Variants in HAUS8 observed in about 807,000 individuals in gnomAD.
HAUS8 encodes HAUS augmin like complex subunit 8.
In HAUS8, 38 loss-of-function variants were observed where a neutral mutation model predicts 42.9. The observed-to-expected ratio is 0.89, with a 90% CI of 0.68 to 1.16. The LOEUF is 1.16. Among genes scored for constraint, HAUS8 ranks in the 50% most tolerant of loss-of-function variants. HAUS8 has a pLI of 0.00. For missense variants in HAUS8, 494 were observed against 511.6 expected (o/e 0.97, Z 0.33); for synonymous variants, 199 against 205.8 (o/e 0.97, Z 0.28).
At chr19:17,053,670 T>C (rs1325758551) in intron 9 of HAUS8, 1 of 151,596 alleles carries the variant, frequency 6.6e-6, no homozygotes, top group Admixed American at 6.6e-5. Context: ...TTTTCTTTTT[T>C]TTTTTTTTTT....
chr19:17,050,225 G>T, intron 10 of HAUS8, 49 bp from the exon 11 acceptor site: 1 of 1,400,390 alleles, frequency 7.1e-7, no homozygotes, highest in Non-Finnish European at 9.4e-7. Context: ...CTGAGGTGAA[G>T]CGCATGTGTG....
At chr19:17,072,869 A>G (rs2057436514) in intron 2 of HAUS8, among the ~76,000 whole-genome samples, 1 of 146,958 alleles carries the variant, frequency 6.8e-6, no homozygotes, top group African/African-American at 2.5e-5. Flanking sequence ...TAATCCCAAC[A>G]CTTTGGGAGG....
At chr19:17,051,245 G>GT (rs2057285486) in intron 10 of HAUS8, among the ~76,000 whole-genome samples, 1 of 152,110 alleles carries the variant, frequency 6.6e-6, no homozygotes, top group Non-Finnish European at 1.5e-5. Flanking sequence ...AAATGCCACA[G>GT]TGGGTGGCTG....
At chr19:17,067,933 T>G (rs1271683747) in intron 3 of HAUS8, among the ~76,000 whole-genome samples, 2 of 152,168 alleles carry the variant, frequency 1.3e-5, no homozygotes, top group African/African-American at 4.8e-5. Flanking sequence ...ACAAAGCACG[T>G]TCTCACGTGG....
chr19:17,075,259 C>A, intron 1 of HAUS8, 135 bp downstream of exon 1: 1 of 969,822 alleles, frequency 1.0e-6, no homozygotes. Flanking sequence ...CCATCGGGGT[C>A]TTCAGGGGCC....
At chr19:17,066,529 A>T (rs1197237308) in intron 3 of HAUS8, among the ~76,000 whole-genome samples, 1 of 152,206 alleles carries the variant, frequency 6.6e-6, no homozygotes, top group Non-Finnish European at 1.5e-5. Flanking sequence ...GGTTGGTCAG[A>T]AGTTCTAGAG....
intron 4 of HAUS8, among the ~76,000 whole-genome samples, chr19:17,061,024 T>C (rs1416228368): frequency 1.3e-5 from 2 of 152,014 alleles, no homozygotes; most frequent in Non-Finnish European, 2.9e-5. Context: ...ATAACAACGA[T>C]TTGTGTTGAA....
intron 10 of HAUS8, among the ~76,000 whole-genome samples, chr19:17,050,607 T>A (rs1489725726): frequency 6.6e-6 from 1 of 152,050 alleles, no homozygotes; most frequent in Non-Finnish European, 1.5e-5. Context: ...AAAAATTTTT[T>A]TAAAAATACT....
intron 9 of HAUS8, among the ~76,000 whole-genome samples, chr19:17,054,788 T>A (rs2057309715): frequency 6.7e-6 from 1 of 149,452 alleles, no homozygotes; most frequent in Non-Finnish European, 1.5e-5. Context: ...GCAACAAGAG[T>A]GAAACTCCGT....
chr19:17,063,295 G>C (rs901498159), intron 3 of HAUS8, among the ~76,000 whole-genome samples: 52 of 152,270 alleles, frequency 3.4e-4, no homozygotes, highest in African/African-American at 1.2e-3. Context: ...CCAGGGGTTT[G>C]AGGCTGCAGT....
intron 3 of HAUS8, among the ~76,000 whole-genome samples, chr19:17,063,497 C>T (rs1474385497): frequency 1.3e-5 from 2 of 152,178 alleles, no homozygotes; most frequent in East Asian, 1.9e-4. Flanking sequence ...AGGAAATCCC[C>T]GAACATCTTC....
At chr19:17,055,215 G>A (rs1341901132) in intron 9 of HAUS8, 1 of 91,938 alleles carries the variant, frequency 1.1e-5, no homozygotes, top group Middle Eastern at 0.01. Flanking sequence ...TGGTGCCCAC[G>A]TGTACTCCTA....
At chr19:17,068,996 G>GA in intron 3 of HAUS8, 35 bp downstream of exon 3, 1 of 1,598,348 alleles carries the variant, frequency 6.3e-7, no homozygotes, top group African/African-American at 1.3e-5. Context: ...ACCTTGCTCA[G>GA]AACTGCTGCA....
chr19:17,075,379 G>A lies in HAUS8; in HGVS notation c.29+15C>T. The A allele has an allele frequency of 6.8e-6, 11 of 1,613,886 alleles. No individual in the cohort carries two copies. Among genetic ancestry groups the A allele is most frequent in the South Asian group, 1.1e-5 (1 of 91,084 alleles). ...TGGCGTCTACAAATCCAGACCTGCGGAAGCCCCAACTCACCCAGCGCCTCG... is the reference window on the plus strand; with the variant it reads ...TGGCGTCTACAAATCCAGACCTGCGAAAGCCCCAACTCACCCAGCGCCTCG... On this transcript the variant is annotated intron_variant, in intron 1 of 10. Transcript: ENST00000253669.
intron 4 of HAUS8, among the ~76,000 whole-genome samples, chr19:17,062,258 A>G (rs1291687055): frequency 2.6e-5 from 4 of 152,140 alleles, no homozygotes; most frequent in Non-Finnish European, 4.4e-5. Flanking sequence ...CCTCACCCCA[A>G]GTAGCTGGGA....
chr19:17,070,095 C>T (rs753378661), intron 2 of HAUS8, among the ~76,000 whole-genome samples: 8 of 152,044 alleles, frequency 5.3e-5, no homozygotes, highest in African/African-American at 1.9e-4. Context: ...TCTGCCTCCC[C>T]CCATTTCTCC....
At chr19:17,053,359 G>A (rs143619837) in intron 9 of HAUS8, 156 of 219,980 alleles carry the variant, frequency 7.1e-4, no homozygotes, top group Non-Finnish European at 9.7e-4. Context: ...CTGCAACTGC[G>A]GGACCTGTGT....
At chr19:17,051,851 A>T (rs1172380072) in intron 10 of HAUS8, 3 of 151,298 alleles carry the variant, frequency 2.0e-5, no homozygotes, top group Non-Finnish European at 4.4e-5. Context: ...GTGTTTTTTA[A>T]ATAGAGAGGC....
chr19:17,068,530 G>A (rs1002019247), intron 3 of HAUS8, among the ~76,000 whole-genome samples: 2 of 152,184 alleles, frequency 1.3e-5, no homozygotes, highest in African/African-American at 2.4e-5. Flanking sequence ...ATTTTGGGAG[G>A]CCGAGGCGGG....
Sources: allele counts gnomAD v4.1 joint callset (sites outside exome capture counted in the v4.1 genomes callset), GRCh38; gene constraint gnomAD v4.1.1; transcripts MANE v1.5; gene names NCBI Gene and HGNC (gene_info 2026-07-23, HGNC 2026-07-21).